The following TNFRSF8 variants were observed in gnomAD, a reference collection of about 807,000 sequenced individuals.
The protein encoded by TNFRSF8 is tumor necrosis factor receptor superfamily member 8.
Under a neutral mutation model 70.8 loss-of-function variants are expected in TNFRSF8, and 26 were observed. The ratio of observed to expected loss-of-function variants is 0.37; its 90% CI spans 0.27 to 0.51. The LOEUF (loss-of-function observed/expected upper bound fraction) is 0.51, where lower values mean the gene tolerates loss of function less well. Ranked by LOEUF, TNFRSF8 falls within the 20% of genes least tolerant of loss-of-function variation. The pLI is 0.94. For missense variants in TNFRSF8, 720 were observed against 807.9 expected (o/e 0.89, Z 1.32); for synonymous variants, 356 against 339.2 (o/e 1.05, Z -0.54).
Position 12,138,450 on chromosome 1 carries a change from T to C in TNFRSF8, c.1543+14T>C. The C allele has an allele frequency of 6.2e-7, 1 of 1,602,406 alleles. No homozygotes were observed. The highest frequency in any genetic ancestry group is 8.5e-7 in the Non-Finnish European group (1 of 1,172,110). ...ATAACAAGATTGGTGAGTCAGCCTG[T>C]TTTGGGAGGTCCCCTGCAGCCCAGG... On this transcript the variant is annotated intron_variant, in intron 14 of 14. Coordinates refer to ENST00000263932, the MANE Select transcript of TNFRSF8 (RefSeq NM_001243.5). The surrounding 1 kb of genome is among the most constrained non-coding windows in gnomAD (Gnocchi z 5.7).
At chr1:12,077,254 T>C (rs11569800) in intron 1 of TNFRSF8, among the ~76,000 whole-genome samples, 2,255 of 152,288 alleles carry the variant, frequency 0.015, 49 homozygotes, top group African/African-American at 0.051. Flanking sequence ...CCTTGAAACC[T>C]GATACTATGG....
At chr1:12,093,366 A>G (rs1025278636) in intron 2 of TNFRSF8, among the ~76,000 whole-genome samples, 2 of 152,190 alleles carry the variant, frequency 1.3e-5, no homozygotes, top group African/African-American at 4.8e-5. Flanking sequence ...GAAGTGAGCA[A>G]TGTACTAGAA....
chr1:12,103,304 G>A (rs1350755747), intron 3 of TNFRSF8, among the ~76,000 whole-genome samples: 1 of 151,810 alleles, frequency 6.6e-6, no homozygotes. Flanking sequence ...GCAGTGAGCC[G>A]AGATTGCGCC....
chr1:12,105,555 A>G (rs1395553037), intron 4 of TNFRSF8, among the ~76,000 whole-genome samples: 1 of 125,394 alleles, frequency 8.0e-6, no homozygotes, highest in Non-Finnish European at 1.7e-5. Context: ...TCTCTCACTC[A>G]CTCACTCTCT....
intron 1 of TNFRSF8, among the ~76,000 whole-genome samples, chr1:12,069,943 C>A (rs2100943336): frequency 6.6e-6 from 1 of 152,236 alleles, no homozygotes; most frequent in African/African-American, 2.4e-5. Flanking sequence ...AGAAAAGCAT[C>A]CAGGCCCAGG....
rs748401081 is a variant in TNFRSF8 at position 12,109,562 on chromosome 1, G to A, written c.422-4G>A. The A allele has an allele frequency of 3.7e-6, 6 of 1,613,144 alleles. No individual in the cohort carries two copies. The Admixed American group carries it at 1.0e-4, about 27-fold the overall frequency. ...TTCTGAAGGCACTGCTGTCCCCCCT[G>A]CAGGCACGGCGCAGAAGAACACGGT... On this transcript the variant is annotated splice_polypyrimidine_tract_variant and splice_region_variant and intron_variant, in intron 4 of 14. Transcript: ENST00000263932. This position sits in a 1 kb window ranked among gnomAD's most constrained non-coding sequence, Gnocchi z 4.4.
chr1:12,094,613 G>GTT (rs1042247656), intron 2 of TNFRSF8, among the ~76,000 whole-genome samples: 5,389 of 119,484 alleles, frequency 0.045, 349 homozygotes, highest in Admixed American at 0.14. Flanking sequence ...CATGAAGCTA[G>GTT]TTTTTTTTTT....
intron 3 of TNFRSF8, 95 bp from the exon 4 acceptor site, chr1:12,104,284 C>A: frequency 2.1e-6 from 3 of 1,399,046 alleles, no homozygotes; most frequent in African/African-American, 1.4e-5. Flanking sequence ...GGCTGCGTTG[C>A]GGACTGCACC....
intron 1 of TNFRSF8, among the ~76,000 whole-genome samples, chr1:12,067,288 T>A (rs551660519): frequency 2.0e-5 from 3 of 152,224 alleles, no homozygotes; most frequent in Non-Finnish European, 4.4e-5. Flanking sequence ...GTGCTAAGGC[T>A]AAACAAGCCT....
chr1:12,068,652 CTTTTGGTG>C (rs1202871854), intron 1 of TNFRSF8, among the ~76,000 whole-genome samples: 1 of 152,108 alleles, frequency 6.6e-6, no homozygotes, highest in East Asian at 1.9e-4. Context: ...ATGCCTAAGT[CTTTTGGTG>C]ACATGCAAGT....
chr1:12,083,253 C>A (rs549472319), intron 1 of TNFRSF8, among the ~76,000 whole-genome samples: 5 of 152,310 alleles, frequency 3.3e-5, no homozygotes, highest in African/African-American at 1.2e-4. Context: ...GATGGAGAAT[C>A]TATCAGAACT....
intron 2 of TNFRSF8, among the ~76,000 whole-genome samples, chr1:12,086,341 T>C (rs1641152295): frequency 6.6e-6 from 1 of 152,194 alleles, no homozygotes; most frequent in Admixed American, 6.5e-5. Context: ...AAGTAGTGGG[T>C]TGGATGCTAT....
In TNFRSF8 at chr1:12,110,000, A is replaced by G. The variant is rs1641598311; in HGVS notation, c.513-41A>G. 2.5e-6 allele frequency: 4 copies of G among 1,602,176 alleles called. No individual in the cohort carries two copies. The highest frequency in any genetic ancestry group is 2.6e-6 in the Non-Finnish European group (3 of 1,174,108). ...CGTGAGCACAGGCCTCCCTTGCCCC[A>G]TTGGCAGAATTATCAGTCCCATCTC... On this transcript the variant is annotated intron_variant, in intron 5 of 14. Coordinates refer to ENST00000263932, the MANE Select transcript of TNFRSF8 (RefSeq NM_001243.5). This position sits in a 1 kb window ranked among gnomAD's most constrained non-coding sequence, Gnocchi z 4.4.
rs957527136 is a variant in TNFRSF8 at position 12,141,475 on chromosome 1, G to A, written c.1544-812G>A. ...GGCCCTCCGTCCAAGCTCCCACCAT[G>A]TGCTCACAGCACAGCCATGCACGCT... On this transcript the variant is annotated intron_variant, in intron 14 of 14. Coordinates refer to ENST00000263932, the MANE Select transcript of TNFRSF8 (RefSeq NM_001243.5). The surrounding 1 kb of genome is among the most constrained non-coding windows in gnomAD (Gnocchi z 5.4). 4.6e-5 allele frequency among the ~76,000 whole-genome samples: 7 copies of A among 152,262 alleles called. No homozygotes were observed. Among genetic ancestry groups the A allele is most frequent in the African/African-American group, 1.7e-4 (7 of 41,464 alleles).
rs1641670802 is a variant in TNFRSF8, at chr1:12,113,589, G to C, written c.793+1575G>C. On this transcript the variant is annotated intron_variant, in intron 7 of 14. Transcript: ENST00000263932. This position sits in a 1 kb window ranked among gnomAD's most constrained non-coding sequence, Gnocchi z 4.9. ...AGACAGAGAGAAAGAGACAGAATGA[G>C]AGGGAGAGAGAGAGTGAGAGAGAGA... Among the ~76,000 whole-genome samples, 1 of 1,232 alleles carries C rather than the reference G, an allele frequency of 8.1e-4. No homozygotes were observed. Among genetic ancestry groups the C allele is most frequent in the Non-Finnish European group, 1.5e-3 (1 of 656 alleles). The allele number at this position is 1,232 out of a possible 152,430, so 0.8% of individuals were successfully genotyped here. A position where few individuals can be genotyped will look rare whatever the true frequency, so the allele number is the denominator to read the frequency against.
At chr1:12,118,386 C>T (rs1472438074) in intron 8 of TNFRSF8, among the ~76,000 whole-genome samples, 1 of 152,212 alleles carries the variant, frequency 6.6e-6, no homozygotes, top group Admixed American at 6.5e-5. Context: ...GCTGGGATTA[C>T]AGGCGTGAGC....
In TNFRSF8 at chr1:12,117,079, CT is replaced by C. The variant is rs959935088; in HGVS notation, c.946+1359del. On this transcript the variant is annotated intron_variant, in intron 8 of 14. Coordinates refer to ENST00000263932, the MANE Select transcript of TNFRSF8 (RefSeq NM_001243.5). The stretch of plus-strand genomic sequence containing the variant: ...CTGAGTTTTTAATCCCCAGTATTGT[CT>C]TTTTTTTTCCTCTTTTTTTAGAGAT... 2.0e-5 allele frequency among the ~76,000 whole-genome samples: 3 copies of C among 151,338 alleles called. 1 individual carries two copies. The highest frequency in any genetic ancestry group is 3.9e-4 in the East Asian group (2 of 5,160).
chr1:12,076,544 C>G (rs1306241213), intron 1 of TNFRSF8, among the ~76,000 whole-genome samples: 1 of 152,196 alleles, frequency 6.6e-6, no homozygotes, highest in African/African-American at 2.4e-5. Flanking sequence ...AGGCTCCACC[C>G]TCTATGCTGT....
At chr1:12,065,378 C>T (rs1246256170) in intron 1 of TNFRSF8, among the ~76,000 whole-genome samples, 1 of 152,160 alleles carries the variant, frequency 6.6e-6, no homozygotes, top group Non-Finnish European at 1.5e-5. Context: ...CCACCACACC[C>T]AGCCTCCCAT....
Sources: gnomAD v4.1 joint callset for allele counts (sites outside exome capture counted in the v4.1 genomes callset) on GRCh38, gnomAD v4.1.1 for gene constraint, Gnocchi (gnomAD v3.1) non-coding constraint, MANE v1.5 for transcripts, NCBI Gene and HGNC (gene_info 2026-07-23, HGNC 2026-07-21) for gene names.